ITPRID1: variants seen among roughly 807,000 people sequenced by gnomAD.
ITPRID1 encodes the protein ITPR interacting domain containing 1.
A neutral mutation model predicts 95.4 loss-of-function variants in ITPRID1; 96 were observed. The ratio of observed to expected loss-of-function variants is 1.01; its 90% CI spans 0.85 to 1.19. The LOEUF is 1.19. ITPRID1 is among the 50% of genes most tolerant of loss of function. The pLI is 0.00. For missense variants in ITPRID1, 1,339 were observed against 1,252.9 expected (o/e 1.07, Z -1.04); for synonymous variants, 510 against 453.6 (o/e 1.12, Z -1.58).
chr7:31,642,724 G>T lies in ITPRID1; in HGVS notation c.1354G>T (p.Gly452Cys). The T allele has an allele frequency of 6.2e-7, 1 of 1,613,954 alleles. No homozygotes were observed. Among genetic ancestry groups the T allele is most frequent in the Non-Finnish European group, 8.5e-7 (1 of 1,179,882 alleles). ...CAGCCAGAGTCCTGCTGAGAATGGAGGTAGAAAGCCAAGAGATCAGAGCCA... is the reference window on the plus strand; with the variant it reads ...CAGCCAGAGTCCTGCTGAGAATGGATGTAGAAAGCCAAGAGATCAGAGCCA... ...PNSQSPAENG[G>C]RKPRDQSHSL... The change falls in exon 12 of 15, where the codon GGT becomes TGT. Residue 452 changes from glycine (G) to cysteine (C), a missense_variant. Gly to Cys is a radical substitution (Grantham distance 159). Transcript: ENST00000615280.
At chr7:31,599,403 T>C (rs1391826794) in intron 10 of ITPRID1, among the ~76,000 whole-genome samples, 3 of 152,120 alleles carry the variant, frequency 2.0e-5, no homozygotes, top group Non-Finnish European at 4.4e-5. Flanking sequence ...AAAGGGAATA[T>C]ATAACCACCA....
At position 31,599,690 on chromosome 7, in the gene ITPRID1, C is replaced by CTCTTTCTT. The variant is rs1554290644; in HGVS notation, c.1228+16515_1228+16522dup. ...TCTCTCTCTCTCTCTCTCTCTCTCTCTCTTTCTTTCTTTCTTTCTTTCTCT... is the reference window on the plus strand; with the variant it reads ...TCTCTCTCTCTCTCTCTCTCTCTCTCTCTTTCTTTCTTTCTTTCTTTCTTTCTTTCTCT... On this transcript the variant is annotated intron_variant, in intron 10 of 14. Transcript: ENST00000615280. 8.2e-4 allele frequency among the ~76,000 whole-genome samples: 88 copies of CTCTTTCTT among 106,700 alleles called. 1 individual carries two copies. The highest frequency in any genetic ancestry group is 3.2e-3 in the South Asian group (11 of 3,414). 70.0% of individuals were successfully genotyped at this position (106,700 alleles called of 152,430 possible).
intron 10 of ITPRID1, among the ~76,000 whole-genome samples, chr7:31,595,070 CTTT>C (rs958852739): frequency 1.6e-5 from 2 of 127,442 alleles, no homozygotes; most frequent in Admixed American, 8.0e-5. Context: ...TTTATAATTT[CTTT>C]TTTTTTTTTT....
rs775764359 is a variant in ITPRID1 at position 31,656,408 on chromosome 7, G to A, written c.*3579G>A. On this transcript the variant is annotated 3_prime_UTR_variant, in exon 15 of 15. Transcript: ENST00000615280. ...GAATAAATACCATGAATCCTGTGCA[G>A]TGTTTAATCCAATGTCCATCACGTA... 19 of 507,964 alleles carry A rather than the reference G, an allele frequency of 3.7e-5. No individual in the cohort carries two copies. The highest frequency in any genetic ancestry group is 1.7e-4 in the South Asian group (2 of 11,690). The allele number at this position is 507,964 out of a possible 1,614,324, so 31.5% of individuals were successfully genotyped here.
At chr7:31,626,884 ATGTT>A (rs1461151536) in intron 10 of ITPRID1, among the ~76,000 whole-genome samples, 3 of 152,208 alleles carry the variant, frequency 2.0e-5, no homozygotes, top group Admixed American at 1.3e-4. Context: ...CAACAGAAAA[ATGTT>A]TGTTTGTGGG....
At chr7:31,560,523 G>A (rs1367768697) in intron 5 of ITPRID1, among the ~76,000 whole-genome samples, 1 of 152,158 alleles carries the variant, frequency 6.6e-6, no homozygotes, top group African/African-American at 2.4e-5. Flanking sequence ...AGAGAGGATA[G>A]GGCTATACAA....
At position 31,529,451 on chromosome 7, in the gene ITPRID1, C is replaced by T. The variant is rs578037948; in HGVS notation, c.-98+15331C>T. On this transcript the variant is annotated intron_variant, in intron 1 of 14. Transcript: ENST00000615280. ...CACAGAAATAAAACCACAACGGAAA[C>T]CATTGTATTCATTCTCCACACACTC... 4 of 315,894 alleles carry T rather than the reference C, an allele frequency of 1.3e-5. No individual in the cohort carries two copies. In the South Asian group the frequency reaches 4.3e-4, roughly 34 times the overall value. The allele number at this position is 315,894 out of a possible 1,614,324, so 19.6% of individuals were successfully genotyped here. A position where few individuals can be genotyped will look rare whatever the true frequency, so the allele number is the denominator to read the frequency against.
intron 1 of ITPRID1, among the ~76,000 whole-genome samples, chr7:31,514,717 T>G (rs1782995024): frequency 6.6e-6 from 1 of 152,206 alleles, no homozygotes; most frequent in Non-Finnish European, 1.5e-5. Context: ...TACTTCAACT[T>G]TAACAGATAT....
At chr7:31,644,692 C>T (rs1790312878) in intron 12 of ITPRID1, among the ~76,000 whole-genome samples, 1 of 152,170 alleles carries the variant, frequency 6.6e-6, no homozygotes. Flanking sequence ...TGAGCCCTTC[C>T]AGTACCTCCT....
chr7:31,633,959 T>G (rs1789243950), intron 10 of ITPRID1, among the ~76,000 whole-genome samples: 1 of 152,196 alleles, frequency 6.6e-6, no homozygotes, highest in African/African-American at 2.4e-5. Flanking sequence ...AAACAGGAAC[T>G]TTCCACCTAG....
At position 31,624,845 on chromosome 7, in the gene ITPRID1, A is replaced by G. The variant is rs1279597807; in HGVS notation, c.1229-17331A>G. 4.6e-5 allele frequency among the ~76,000 whole-genome samples: 7 copies of G among 152,202 alleles called. No individual in the cohort carries two copies. In the East Asian group the frequency reaches 1.2e-3, roughly 25 times the overall value. ...TCAGAGTGAACAGGCAACCCACAAA[A>G]TGGGAAAAAATTTTCGCAACCTATT... On this transcript the variant is annotated intron_variant, in intron 10 of 14. Transcript: ENST00000615280.
intron 10 of ITPRID1, among the ~76,000 whole-genome samples, chr7:31,628,807 A>T (rs975414449): frequency 6.6e-6 from 1 of 152,164 alleles, no homozygotes; most frequent in African/African-American, 2.4e-5. Flanking sequence ...TAACTACGAA[A>T]TGTGAGGAAA....
chr7:31,624,802 C>CTCTTT, intron 10 of ITPRID1, among the ~76,000 whole-genome samples: 1 of 152,064 alleles, frequency 6.6e-6, no homozygotes, highest in South Asian at 2.1e-4. Context: ...AGCTTCTGCA[C>CTCTTT]AGCAAAAGAA....
At chr7:31,590,886 T>C (rs1160661689) in intron 10 of ITPRID1, among the ~76,000 whole-genome samples, 1 of 152,226 alleles carries the variant, frequency 6.6e-6, no homozygotes, top group Non-Finnish European at 1.5e-5. Context: ...ACTATTTCTG[T>C]GTATTAGATG....
intron 10 of ITPRID1, among the ~76,000 whole-genome samples, chr7:31,592,894 G>A (rs1785927872): frequency 6.6e-6 from 1 of 152,006 alleles, no homozygotes; most frequent in Admixed American, 6.6e-5. Context: ...AATAAGCAAG[G>A]AATAAAGACA....
chr7:31,600,061 C>T (rs912626959), intron 10 of ITPRID1, among the ~76,000 whole-genome samples: 6 of 151,972 alleles, frequency 3.9e-5, no homozygotes, highest in African/African-American at 1.5e-4. Context: ...GTATTTTTAA[C>T]AAAAGATTTA....
chr7:31,640,643 T>A (rs201654266), intron 10 of ITPRID1, among the ~76,000 whole-genome samples: 180 of 72,094 alleles, frequency 2.5e-3, no homozygotes, highest in Non-Finnish European at 5.4e-3. Context: ...CTCGAAAAAC[T>A]TTTTTTTTTT....
At chr7:31,613,794 G>T (rs888226538) in intron 10 of ITPRID1, among the ~76,000 whole-genome samples, 1 of 152,170 alleles carries the variant, frequency 6.6e-6, no homozygotes, top group African/African-American at 2.4e-5. Context: ...CAGCAATGCA[G>T]ATCTCCCTTT....
rs562987099 is a variant in ITPRID1, at chr7:31,516,013, G to T, written c.-98+1893G>T. 9.9e-5 allele frequency among the ~76,000 whole-genome samples: 15 copies of T among 152,130 alleles called. No individual in the cohort carries two copies. In the South Asian group the frequency reaches 2.7e-3, roughly 27 times the overall value. On this transcript the variant is annotated intron_variant, in intron 1 of 14. Transcript: ENST00000615280. ...GTTTTTTTTTGCCAACAAAATATTA[G>T]GTTATTAAACATTGACCTTGCAGCA...
Sources: gnomAD v4.1 joint callset for allele counts (sites outside exome capture counted in the v4.1 genomes callset) on GRCh38, gnomAD v4.1.1 for gene constraint, MANE v1.5 for transcripts, NCBI Gene and HGNC (gene_info 2026-07-23, HGNC 2026-07-21) for gene names.